The following FAM149A variants were observed in gnomAD, a reference collection of about 807,000 sequenced individuals.
FAM149A encodes family with sequence similarity 149 member A.
A neutral mutation model predicts 78.2 loss-of-function variants in FAM149A; 71 were observed. The ratio of observed to expected loss-of-function variants is 0.91; its 90% CI spans 0.75 to 1.11. The LOEUF (loss-of-function observed/expected upper bound fraction) is 1.11. Ranked by LOEUF, FAM149A falls within the 50% of genes least tolerant of loss-of-function variation. The probability of loss-of-function intolerance (pLI) is 0.00; values close to 1 mark genes in which losing one functional copy is unlikely to be tolerated. For synonymous variants in FAM149A, 446 were observed against 410.5 expected (o/e 1.09, Z -1.04); for missense variants, 1,036 against 971.0 (o/e 1.07, Z -0.89).
chr4:186,109,397 A>G, intron 1 of FAM149A: 1 of 818,604 alleles, frequency 1.2e-6, no homozygotes, highest in Non-Finnish European at 1.5e-6. Flanking sequence ...GCCTGTCAGC[A>G]TGGCTGGCAG....
rs752462255 is a variant in FAM149A, at chr4:186,156,200, T to G, written c.1420+10T>G. The G allele has an allele frequency of 6.2e-7, 1 of 1,604,822 alleles. No homozygotes were observed. The highest frequency in any genetic ancestry group is 2.2e-5 in the East Asian group (1 of 44,710). On this transcript the variant is annotated intron_variant, in intron 7 of 13. Coordinates refer to ENST00000389354, the MANE Select transcript of FAM149A (RefSeq NM_001367768.3). Reference sequence around the variant, plus strand: ...GAAACTACACTCACAGGTACTTACATGCAGAATTTAGCTTAATGAAAAGAA... The same window carrying G: ...GAAACTACACTCACAGGTACTTACAGGCAGAATTTAGCTTAATGAAAAGAA...
chr4:186,111,831 A>G (rs1443055221), intron 1 of FAM149A, among the ~76,000 whole-genome samples: 1 of 151,400 alleles, frequency 6.6e-6, no homozygotes, highest in Admixed American at 6.6e-5. Context: ...AGGTAGTGTG[A>G]TGCCTCCAGC....
In FAM149A at chr4:186,125,822, A is replaced by G. The variant is rs555949872; in HGVS notation, c.566+20180A>G. The G allele has an allele frequency of 2.2e-5, 22 of 985,220 alleles. No homozygotes were observed. In the East Asian group the frequency reaches 1.9e-3, roughly 86 times the overall value. The allele number at this position is 985,220 out of a possible 1,614,324, so 61.0% of individuals were successfully genotyped here. A position where few individuals can be genotyped will look rare whatever the true frequency, so the allele number is the denominator to read the frequency against. ...ACCCAACCGTTTGGAAGGGAGGCCA[A>G]AAAGAAATACGAGGTAGGGATGAGA... On this transcript the variant is annotated intron_variant, in intron 1 of 13. Transcript: ENST00000389354.
Position 186,115,380 on chromosome 4 carries a change from C to T in FAM149A, c.566+9738C>T, listed in dbSNP as rs191138381. On this transcript the variant is annotated intron_variant, in intron 1 of 13. Transcript: ENST00000389354. ...TCAGAATAATTTGATCTTCTGAAGCCGCCTTCTCTCAGCTCGTCAAAGTCA... is the reference window on the plus strand; with the variant it reads ...TCAGAATAATTTGATCTTCTGAAGCTGCCTTCTCTCAGCTCGTCAAAGTCA... Among the ~76,000 whole-genome samples the T allele has an allele frequency of 8.4e-3, 1,254 of 149,816 alleles. 19 individuals carry two copies. The highest frequency in any genetic ancestry group is 0.029 in the African/African-American group (1,194 of 40,768).
chr4:186,145,013 G>A, intron 1 of FAM149A: 2 of 981,784 alleles, frequency 2.0e-6, no homozygotes, highest in South Asian at 4.7e-5. Flanking sequence ...GGCTGTCTGC[G>A]TGGGGCCCGC....
At chr4:186,131,955 T>G in intron 1 of FAM149A, 1 of 985,458 alleles carries the variant, frequency 1.0e-6, no homozygotes, top group Non-Finnish European at 1.2e-6. Flanking sequence ...TGTAGTTAAT[T>G]GTTGGGAAAA....
chr4:186,170,104 A>T (rs1454209199), intron 13 of FAM149A, among the ~76,000 whole-genome samples: 1 of 152,202 alleles, frequency 6.6e-6, no homozygotes, highest in African/African-American at 2.4e-5. Flanking sequence ...AAAACTGGCC[A>T]CAGGGGACTC....
At chr4:186,106,012 C>A (rs539343937) in intron 1 of FAM149A, among the ~76,000 whole-genome samples, 24 of 152,226 alleles carry the variant, frequency 1.6e-4, no homozygotes, top group African/African-American at 5.5e-4. Flanking sequence ...GCAGGGAAAC[C>A]GAATACACAC....
chr4:186,162,727 A>G, intron 8 of FAM149A, 118 bp from the exon 9 acceptor site: 1 of 623,360 alleles, frequency 1.6e-6, no homozygotes, highest in Non-Finnish European at 2.9e-6. Context: ...TTTTTCCTCC[A>G]GTTAGCTGGT....
intron 1 of FAM149A, chr4:186,109,827 T>C: frequency 1.0e-6 from 1 of 985,350 alleles, no homozygotes; most frequent in Non-Finnish European, 1.2e-6. Context: ...AGTTCAGTTA[T>C]TTGGGAGAAC....
chr4:186,146,617 A>G (rs1733057678), intron 1 of FAM149A: 1 of 782,730 alleles, frequency 1.3e-6, no homozygotes, highest in African/African-American at 1.9e-5. Context: ...TTTGGCTTCA[A>G]AGTTGCACAA....
intron 7 of FAM149A, 106 bp from the exon 8 acceptor site, chr4:186,157,459 G>T: frequency 8.6e-7 from 1 of 1,162,566 alleles, no homozygotes; most frequent in Non-Finnish European, 1.2e-6. Flanking sequence ...CGTAGCATGG[G>T]CTCGTGGTAG....
intron 1 of FAM149A, among the ~76,000 whole-genome samples, chr4:186,120,557 G>C (rs2150090254): frequency 6.6e-6 from 1 of 152,034 alleles, no homozygotes; most frequent in East Asian, 2.0e-4. Flanking sequence ...ACTTTGGGAG[G>C]CCGAGGCAGG....
chr4:186,158,444 TC>T, intron 8 of FAM149A: 2 of 1,144,380 alleles, frequency 1.7e-6, no homozygotes, highest in African/African-American at 1.6e-5. Flanking sequence ...CGTGACACCA[TC>T]CCCCAGGAAC....
intron 1 of FAM149A, chr4:186,116,485 A>G (rs2099313770): frequency 1.0e-6 from 1 of 984,874 alleles, no homozygotes. Context: ...AATGAATTCA[A>G]CTTGGTTTTC....
At chr4:186,116,502 G>A (rs2099313778) in intron 1 of FAM149A, 3 of 985,170 alleles carry the variant, frequency 3.0e-6, no homozygotes, top group Non-Finnish European at 3.6e-6. Context: ...TTTCCATATC[G>A]AGTATTTGCT....
At chr4:186,107,757 A>G (rs1013328553) in intron 1 of FAM149A, 1 of 152,238 alleles carries the variant, frequency 6.6e-6, no homozygotes, top group East Asian at 1.9e-4. Flanking sequence ...GAGAAGTAAT[A>G]TACACAGCTA....
At chr4:186,124,025 A>G (rs2099317193) in intron 1 of FAM149A, 1 of 985,190 alleles carries the variant, frequency 1.0e-6, no homozygotes. Flanking sequence ...TCACACAGAC[A>G]ATGAGAAACT....
intron 6 of FAM149A, 146 bp downstream of exon 6, chr4:186,154,784 G>T: frequency 7.1e-7 from 1 of 1,413,030 alleles, no homozygotes; most frequent in Non-Finnish European, 9.2e-7. Context: ...GTACTCCCCA[G>T]AGCTTTTGGA....
Sources: allele counts gnomAD v4.1 joint callset (sites outside exome capture counted in the v4.1 genomes callset), GRCh38; gene constraint gnomAD v4.1.1; transcripts MANE v1.5; gene names NCBI Gene and HGNC (gene_info 2026-07-23, HGNC 2026-07-21).